Variants in TSPAN9 observed in about 807,000 individuals in gnomAD.
The protein encoded by TSPAN9 is tetraspanin-9.
In TSPAN9, 16 loss-of-function variants were observed where a neutral mutation model predicts 31.0. The observed-to-expected ratio is 0.52, with a 90% CI of 0.35 to 0.78. The LOEUF (loss-of-function observed/expected upper bound fraction) is 0.78. TSPAN9 is among the 30% of genes least tolerant of loss of function. TSPAN9 has a pLI of 0.01. For missense variants in TSPAN9, 272 were observed against 312.5 expected (o/e 0.87, Z 0.98); for synonymous variants, 145 against 121.6 (o/e 1.19, Z -1.27).
intron 3 of TSPAN9, among the ~76,000 whole-genome samples, chr12:3,231,113 A>G (rs2098390529): frequency 6.6e-6 from 1 of 152,080 alleles, no homozygotes; most frequent in East Asian, 1.9e-4. Context: ...TTTTAAAAAT[A>G]ATTTTAATTT....
At chr12:3,222,202 G>T (rs1038162040) in intron 3 of TSPAN9, among the ~76,000 whole-genome samples, 9 of 152,152 alleles carry the variant, frequency 5.9e-5, no homozygotes, top group Admixed American at 1.3e-4. Context: ...GCATGCAGAA[G>T]GGGGGGACGT....
At chr12:3,254,294 C>T (rs1487588188) in intron 3 of TSPAN9, among the ~76,000 whole-genome samples, 7 of 152,208 alleles carry the variant, frequency 4.6e-5, no homozygotes, top group South Asian at 2.1e-4. Context: ...AATGCTCAGA[C>T]GCTCTCTTCC....
At chr12:3,248,960 G>A (rs1862194334) in intron 3 of TSPAN9, among the ~76,000 whole-genome samples, 1 of 152,134 alleles carries the variant, frequency 6.6e-6, no homozygotes, top group Non-Finnish European at 1.5e-5. Context: ...CCTCCCTGAG[G>A]CCCCTCCTGT....
In TSPAN9 at chr12:3,281,346, A is replaced by G. The variant is rs1315713618; in HGVS notation, c.564+17A>G. ...TGGAGAACGGTGAGGCTGGGGATGGACCGCTTGGGTCCAAGAGCCCGTGTG... is the reference window on the plus strand; with the variant it reads ...TGGAGAACGGTGAGGCTGGGGATGGGCCGCTTGGGTCCAAGAGCCCGTGTG... On this transcript the variant is annotated intron_variant, in intron 7 of 8. Transcript: ENST00000011898. The G allele has an allele frequency of 2.6e-6, 4 of 1,543,828 alleles. No homozygotes were observed. Among genetic ancestry groups the G allele is most frequent in the Non-Finnish European group, 3.5e-6 (4 of 1,142,920 alleles).
At chr12:3,141,249 C>T (rs1478327708) in intron 2 of TSPAN9, among the ~76,000 whole-genome samples, 2 of 152,124 alleles carry the variant, frequency 1.3e-5, no homozygotes, top group Non-Finnish European at 2.9e-5. Context: ...GTGCCAGAAC[C>T]TTCTTCCTCC....
rs7980107 is a variant in TSPAN9, at chr12:3,147,545, C to G, written c.-17-53632C>G. On this transcript the variant is annotated intron_variant, in intron 2 of 8. Coordinates refer to ENST00000011898, the MANE Select transcript of TSPAN9 (RefSeq NM_006675.5). The surrounding 1 kb of genome is among the most constrained non-coding windows in gnomAD (Gnocchi z 4.3). Reference sequence around the variant, plus strand: ...CAGTTTGAGCCACCTAGGGCCTGTTCTGCCCCCGAAGAGAGAGAACCAGCC... The same window carrying G: ...CAGTTTGAGCCACCTAGGGCCTGTTGTGCCCCCGAAGAGAGAGAACCAGCC... Among the ~76,000 whole-genome samples the G allele has an allele frequency of 2.6e-5, 4 of 151,956 alleles. No homozygotes were observed. Among genetic ancestry groups the G allele is most frequent in the African/African-American group, 4.8e-5 (2 of 41,278 alleles).
chr12:3,176,766 A>G (rs1302443237), intron 2 of TSPAN9, among the ~76,000 whole-genome samples: 2 of 152,192 alleles, frequency 1.3e-5, no homozygotes, highest in Non-Finnish European at 2.9e-5. Flanking sequence ...TCTTTACATC[A>G]TCTGCCTCCA....
At chr12:3,234,870 GGTAA>G (rs2098392481) in intron 3 of TSPAN9, among the ~76,000 whole-genome samples, 2 of 151,916 alleles carry the variant, frequency 1.3e-5, no homozygotes, top group African/African-American at 2.4e-5. Context: ...AAAAAATATA[GGTAA>G]GTGAGGCCGG....
chr12:3,094,867 TTTG>T lies in TSPAN9; in HGVS notation c.-18+11151_-18+11153del, dbSNP rs1384649810. Among the ~76,000 whole-genome samples the T allele has an allele frequency of 4.3e-4, 45 of 104,924 alleles. 1 individual carries two copies. The highest frequency in any genetic ancestry group is 1.3e-3 in the African/African-American group (42 of 32,126). 68.8% of individuals were successfully genotyped at this position (104,924 alleles called of 152,430 possible). A position where few individuals can be genotyped will look rare whatever the true frequency, so the allele number is the denominator to read the frequency against. On this transcript the variant is annotated intron_variant, in intron 2 of 8. Coordinates refer to ENST00000011898, the MANE Select transcript of TSPAN9 (RefSeq NM_006675.5). ...ATAATCTTTTTTTTTTTTTTTTTTT[TTTG>T]TTTTTAAATTTATTTTTTTATTGAT...
At chr12:3,156,631 C>T (rs886202425) in intron 2 of TSPAN9, among the ~76,000 whole-genome samples, 1 of 152,076 alleles carries the variant, frequency 6.6e-6, no homozygotes, top group Admixed American at 6.6e-5. Context: ...CCTCAGCCTC[C>T]CGAGCGGCTG....
chr12:3,258,451 A>G (rs1050506651), intron 3 of TSPAN9, among the ~76,000 whole-genome samples: 1 of 152,082 alleles, frequency 6.6e-6, no homozygotes, highest in African/African-American at 2.4e-5. Flanking sequence ...GTGGGGAGGG[A>G]GACCTCAGTG....
intron 3 of TSPAN9, among the ~76,000 whole-genome samples, chr12:3,220,259 C>T (rs570650483): frequency 6.6e-6 from 1 of 152,210 alleles, no homozygotes; most frequent in African/African-American, 2.4e-5. Context: ...GTGGCCCAGG[C>T]TCTGAACCTG....
chr12:3,200,861 TC>T (rs1175288635), intron 2 of TSPAN9: 1 of 233,440 alleles, frequency 4.3e-6, no homozygotes, highest in Non-Finnish European at 8.2e-6. Flanking sequence ...GGGCGCCCCC[TC>T]CGTCCCATTC....
chr12:3,201,986 C>T (rs1044956810), intron 3 of TSPAN9, among the ~76,000 whole-genome samples: 1 of 152,094 alleles, frequency 6.6e-6, no homozygotes, highest in Non-Finnish European at 1.5e-5. Flanking sequence ...CCCCAGTGGC[C>T]GGAAGGGACA....
At chr12:3,161,908 G>A (rs940375664) in intron 2 of TSPAN9, among the ~76,000 whole-genome samples, 12 of 152,040 alleles carry the variant, frequency 7.9e-5, no homozygotes, top group Admixed American at 3.9e-4. Context: ...CTTGAATGCT[G>A]GGGCTCAAGC....
At chr12:3,268,537 T>C (rs28655896) in intron 3 of TSPAN9, among the ~76,000 whole-genome samples, 36 of 93,386 alleles carry the variant, frequency 3.9e-4, no homozygotes, top group South Asian at 1.9e-3. Flanking sequence ...GCCTGCCCTC[T>C]CTGTGTTCCT....
intron 3 of TSPAN9, among the ~76,000 whole-genome samples, chr12:3,221,494 G>GA (rs1170362112): frequency 6.6e-6 from 1 of 151,856 alleles, no homozygotes; most frequent in Non-Finnish European, 1.5e-5. Flanking sequence ...AAGCAGCTGG[G>GA]ATTACAGGTG....
intron 3 of TSPAN9, among the ~76,000 whole-genome samples, chr12:3,253,090 CAG>C (rs1225310932): frequency 6.6e-6 from 1 of 152,126 alleles, no homozygotes; most frequent in African/African-American, 2.4e-5. Flanking sequence ...ACCCACCTCT[CAG>C]AAGTGCTCCT....
At chr12:3,093,112 C>T (rs933857539) in intron 2 of TSPAN9, among the ~76,000 whole-genome samples, 3 of 152,308 alleles carry the variant, frequency 2.0e-5, no homozygotes, top group African/African-American at 7.2e-5. Flanking sequence ...CTTTTGGGGC[C>T]GCTGGCCTTT....
Sources: gnomAD v4.1 joint callset for allele counts (sites outside exome capture counted in the v4.1 genomes callset) on GRCh38, gnomAD v4.1.1 for gene constraint, Gnocchi (gnomAD v3.1) non-coding constraint, MANE v1.5 for transcripts, NCBI Gene and HGNC (gene_info 2026-07-23, HGNC 2026-07-21) for gene names.